ICA1: variants seen among roughly 807,000 people sequenced by gnomAD.
ICA1 encodes islet cell autoantigen 1.
ICA1 carries 40 observed loss-of-function variants against 71.0 expected under a neutral mutation model. That is an observed-to-expected ratio of 0.56 (90% confidence interval 0.44 to 0.73). The LOEUF (loss-of-function observed/expected upper bound fraction) is 0.73. Among genes scored for constraint, ICA1 ranks in the 30% least tolerant of loss-of-function variants. The pLI is 0.00. For synonymous variants in ICA1, 207 were observed against 209.5 expected (o/e 0.99, Z 0.10); for missense variants, 578 against 576.5 (o/e 1.00, Z -0.03).
At position 8,141,804 on chromosome 7, in the gene ICA1, C is replaced by G; in HGVS notation, c.916G>C (p.Glu306Gln). 1 of 1,570,114 alleles carries G rather than the reference C, an allele frequency of 6.4e-7. No individual in the cohort carries two copies. Among genetic ancestry groups the G allele is most frequent in the African/African-American group, 1.4e-5 (1 of 73,672 alleles). The change falls in exon 10 of 14, where the codon GAG becomes CAG. Residue 306 changes from glutamate (E) to glutamine (Q), a missense_variant. By Grantham distance (29) the Glu-to-Gln change is conservative (BLOSUM62 2). Coordinates refer to ENST00000402384, the MANE Select transcript of ICA1 (RefSeq NM_001136020.3). ...GATTCCTTGCGCTGGTTTTCTTCCTCTAATGAAATTAATCTTAAAATAAAA... is the reference window on the plus strand; with the variant it reads ...GATTCCTTGCGCTGGTTTTCTTCCTGTAATGAAATTAATCTTAAAATAAAA... ...VQEPSQLISL[E>Q]EENQRKESSS...
Position 8,228,628 on chromosome 7 carries a change from T to C in ICA1, c.229A>G (p.Ile77Val), listed in dbSNP as rs748764620. Residue 77 changes from isoleucine (I) to valine (V), a missense_variant, in exon 4 of 14, where the codon ATT becomes GTT. Ile to Val is a conservative substitution (Grantham distance 29). Coordinates refer to ENST00000402384, the MANE Select transcript of ICA1 (RefSeq NM_001136020.3). ...QRTCLDLSKA[I>V]VLYQKRICFL... ...CATATCCTCTTTTGATAGAGTACAA[T>C]TGCTTTCGATAAGTCCAGACAGGTT... The C allele has an allele frequency of 1.1e-5, 17 of 1,600,878 alleles. No homozygotes were observed. The highest frequency in any genetic ancestry group is 4.5e-5 in the East Asian group (2 of 44,518).
At chr7:8,253,953 T>C (rs1407747270) in intron 1 of ICA1, among the ~76,000 whole-genome samples, 1 of 152,204 alleles carries the variant, frequency 6.6e-6, no homozygotes, top group Non-Finnish European at 1.5e-5. Flanking sequence ...ATCAGAATAA[T>C]CAGGGAGATG....
chr7:8,150,771 T>G (rs912003724), intron 8 of ICA1, among the ~76,000 whole-genome samples: 4 of 152,196 alleles, frequency 2.6e-5, no homozygotes, highest in African/African-American at 7.2e-5. Context: ...CACTTCAAAG[T>G]GCTATTTTTA....
rs748670869 is a variant in ICA1 at position 8,221,344 on chromosome 7, T to C, written c.311A>G (p.Gln104Arg). ...CATCTTTCCTGCTCTGGTTTTATCT[T>C]GGAAACCTTGGGATCGAAGAAATTT... ...LGKFLRSQGF[Q>R]DKTRAGKMMQ... Residue 104 changes from glutamine to arginine, a missense_variant, in exon 5 of 14, where the codon CAA becomes CGA. Transcript: ENST00000402384. The C allele has an allele frequency of 3.1e-6, 5 of 1,613,672 alleles. No homozygotes were observed. The highest frequency in any genetic ancestry group is 3.4e-6 in the Non-Finnish European group (4 of 1,179,700).
At chr7:8,122,590 C>CGTG (rs1787429001) in intron 13 of ICA1, among the ~76,000 whole-genome samples, 1 of 152,248 alleles carries the variant, frequency 6.6e-6, no homozygotes, top group South Asian at 2.1e-4. Flanking sequence ...AAATACACCC[C>CGTG]GTGGTCTTTT....
At chr7:8,140,622 C>G (rs893873680) in intron 10 of ICA1, among the ~76,000 whole-genome samples, 4 of 152,216 alleles carry the variant, frequency 2.6e-5, no homozygotes, top group Non-Finnish European at 4.4e-5. Context: ...TCTGGTGCAC[C>G]ACTGTATGCC....
intron 6 of ICA1, among the ~76,000 whole-genome samples, chr7:8,183,032 A>C (rs1782699982): frequency 2.0e-5 from 3 of 152,218 alleles, no homozygotes; most frequent in Admixed American, 2.0e-4. Context: ...TCAGGCTAGA[A>C]TCTCTAACCA....
chr7:8,122,316 G>A (rs1787306204), intron 13 of ICA1, among the ~76,000 whole-genome samples: 1 of 152,238 alleles, frequency 6.6e-6, no homozygotes, highest in Non-Finnish European at 1.5e-5. Flanking sequence ...AAAGGACCTT[G>A]GAAGCCATGC....
chr7:8,186,230 G>A (rs980349297), intron 6 of ICA1, among the ~76,000 whole-genome samples: 25 of 152,200 alleles, frequency 1.6e-4, no homozygotes, highest in African/African-American at 6.0e-4. Context: ...ACAGCAGGGT[G>A]GCCATACAAT....
intron 6 of ICA1, among the ~76,000 whole-genome samples, chr7:8,166,218 T>C (rs1262894548): frequency 6.6e-6 from 1 of 152,090 alleles, no homozygotes; most frequent in East Asian, 1.9e-4. Flanking sequence ...GAACCTTCAA[T>C]TTACTTCTTA....
In ICA1 at chr7:8,157,367, T is replaced by C. The variant is rs919387319; in HGVS notation, c.706-153A>G. The C allele has an allele frequency of 1.2e-5, 9 of 768,546 alleles. No homozygotes were observed. In the African/African-American group the frequency reaches 1.6e-4, roughly 14 times the overall value. 47.6% of individuals were successfully genotyped at this position (768,546 alleles called of 1,614,324 possible). A position where few individuals can be genotyped will look rare whatever the true frequency, so the allele number is the denominator to read the frequency against. On this transcript the variant is annotated intron_variant, in intron 7 of 13. Transcript: ENST00000402384. ...TCCCATTATGCCCCCAATTACACTC[T>C]GTATTTCAGCCAAACTAAATGCCTC...
chr7:8,212,360 C>A (rs1287657502), intron 6 of ICA1, among the ~76,000 whole-genome samples: 3 of 152,064 alleles, frequency 2.0e-5, no homozygotes, highest in African/African-American at 7.2e-5. Flanking sequence ...AGGCCAGGAG[C>A]TTGAGACCAG....
intron 6 of ICA1, among the ~76,000 whole-genome samples, chr7:8,199,821 A>T (rs1007763781): frequency 6.6e-6 from 1 of 152,182 alleles, no homozygotes; most frequent in Non-Finnish European, 1.5e-5. Context: ...AAAGACAAAC[A>T]TTGCATGTTC....
At chr7:8,179,696 T>A (rs921161448) in intron 6 of ICA1, among the ~76,000 whole-genome samples, 2 of 152,188 alleles carry the variant, frequency 1.3e-5, no homozygotes, top group African/African-American at 4.8e-5. Flanking sequence ...TAGCCTTTTG[T>A]TCTAGTTCCC....
chr7:8,239,851 G>A (rs986539189), intron 1 of ICA1, among the ~76,000 whole-genome samples: 5 of 152,226 alleles, frequency 3.3e-5, no homozygotes, highest in Admixed American at 6.5e-5. Flanking sequence ...GGGCAGGGGC[G>A]TCTGCCATTG....
At position 8,235,922 on chromosome 7, in the gene ICA1, G is replaced by T; in HGVS notation, c.5C>A (p.Ser2Ter). Residue 2 changes from serine (S) to a stop codon, truncating the protein, a stop_gained, in exon 2 of 14, where the codon TCA becomes TAA. Transcript: ENST00000402384. LOFTEE classifies it high-confidence loss of function. ...ACAAATTACTTACCATTTGTGTCCT[G>T]ACATGTTTTCTTCTTCTTCTATTGT... M[S>*]GHKCSYPWDL... is the part of the protein sequence containing the mutation. The T allele has an allele frequency of 1.2e-6, 2 of 1,613,262 alleles. No individual in the cohort carries two copies. The highest frequency in any genetic ancestry group is 1.7e-6 in the Non-Finnish European group (2 of 1,179,612).
At chr7:8,175,217 G>C (rs1338023557) in intron 6 of ICA1, among the ~76,000 whole-genome samples, 1 of 152,130 alleles carries the variant, frequency 6.6e-6, no homozygotes, top group Admixed American at 6.5e-5. Flanking sequence ...AGATTTCAGG[G>C]ACAGGGAAGT....
chr7:8,139,078 A>G (rs1794344812), intron 10 of ICA1, 31 bp from the exon 11 acceptor site: 2 of 1,553,056 alleles, frequency 1.3e-6, no homozygotes, highest in South Asian at 1.1e-5. Context: ...CTGGTTACCA[A>G]CAACTCGAAA....
rs1427501767 is a variant in ICA1, at chr7:8,221,365, A to C, written c.290T>G (p.Phe97Cys). The change falls in exon 5 of 14, where the codon TTT becomes TGT. Residue 97 changes from phenylalanine (F) to cysteine (C), a missense_variant. Transcript: ENST00000402384. ...LSQEENELGKFLRSQGFQDKT... is the reference protein window; with the variant it reads ...LSQEENELGKCLRSQGFQDKT... ...ATCTTGGAAACCTTGGGATCGAAGA[A>C]ATTTTCCCAGTTCGTTTTCTTCTTG... 1 of 1,613,690 alleles carries C rather than the reference A, an allele frequency of 6.2e-7. No individual in the cohort carries two copies.
Sources: allele counts gnomAD v4.1 joint callset (sites outside exome capture counted in the v4.1 genomes callset), GRCh38; gene constraint gnomAD v4.1.1; transcripts MANE v1.5; gene names NCBI Gene and HGNC (gene_info 2026-07-23, HGNC 2026-07-21).